Variants in STAB2 observed in about 807,000 individuals in gnomAD.
STAB2 encodes stabilin-2.
Under a neutral mutation model 338.1 loss-of-function variants are expected in STAB2, and 288 were observed. That is an observed-to-expected ratio of 0.85 (90% CI 0.77 to 0.94). The LOEUF (loss-of-function observed/expected upper bound fraction) is 0.94, where lower values mean the gene tolerates loss of function less well. Ranked by LOEUF, STAB2 falls within the 40% of genes least tolerant of loss-of-function variation. STAB2 has a pLI of 0.00. For missense variants in STAB2, 3,141 were observed against 3,210.1 expected (o/e 0.98, Z 0.52); for synonymous variants, 1,202 against 1,193.3 (o/e 1.01, Z -0.15).
chr12:103,710,439 C>A (rs1879748632), intron 39 of STAB2, among the ~76,000 whole-genome samples: 2 of 152,204 alleles, frequency 1.3e-5, no homozygotes, highest in African/African-American at 2.4e-5. Flanking sequence ...TGTGTGCAAA[C>A]TCCTCGCTCC....
chr12:103,742,175 C>A lies in STAB2; in HGVS notation c.5882-230C>A, dbSNP rs1030317513. ...ATATCCTCAAATCCAGTGCACAAAC[C>A]CCCAAATACAGTGCACAGTTCAGTG... is the stretch of plus-strand genomic sequence containing the variant. On this transcript the variant is annotated intron_variant, in intron 55 of 68. Transcript: ENST00000388887. 2.6e-5 allele frequency among the ~76,000 whole-genome samples: 4 copies of A among 152,186 alleles called. No homozygotes were observed. In the East Asian group the frequency reaches 7.7e-4, roughly 29 times the overall value.
intron 18 of STAB2, among the ~76,000 whole-genome samples, chr12:103,665,471 A>G (rs1874997121): frequency 6.6e-6 from 1 of 152,112 alleles, no homozygotes; most frequent in Non-Finnish European, 1.5e-5. Flanking sequence ...TTTGAGGGAG[A>G]AGCAGGAAAC....
In STAB2 at chr12:103,620,535, T is replaced by C; in HGVS notation, c.399T>C (p.Asn133=). Residue 133 remains asparagine, a synonymous_variant, in exon 4 of 69, where the codon AAT becomes AAC. Coordinates refer to ENST00000388887, the MANE Select transcript of STAB2 (RefSeq NM_017564.10). ...RGSCAEGMEG[N]GTCSCQEGFG... ...GTTGTGCTGAAGGCATGGAAGGAAA[T>C]GGAACCTGCTCCTGCCAAGTAAGTT... The C allele has an allele frequency of 6.4e-7, 1 of 1,571,612 alleles. No homozygotes were observed. Among genetic ancestry groups the C allele is most frequent in the Non-Finnish European group, 8.6e-7 (1 of 1,157,030 alleles).
chr12:103,755,170 G>T, intron 61 of STAB2, 132 bp from the exon 62 acceptor site: 1 of 1,252,260 alleles, frequency 8.0e-7, no homozygotes, highest in Non-Finnish European at 1.1e-6. Flanking sequence ...CTGTGTGCCA[G>T]GCACAGAGGT....
At chr12:103,724,381 A>G (rs1881012713) in intron 44 of STAB2, among the ~76,000 whole-genome samples, 1 of 152,162 alleles carries the variant, frequency 6.6e-6, no homozygotes. Context: ...TGACTTTGAG[A>G]AAGCACGGGG....
intron 3 of STAB2, among the ~76,000 whole-genome samples, chr12:103,609,468 T>A (rs1010464949): frequency 4.6e-4 from 70 of 152,348 alleles, no homozygotes; most frequent in African/African-American, 1.7e-3. Context: ...GGGAGTTCAC[T>A]CATGATTTGG....
intron 9 of STAB2, among the ~76,000 whole-genome samples, chr12:103,641,625 T>G (rs1872934299): frequency 6.6e-6 from 1 of 152,202 alleles, no homozygotes; most frequent in African/African-American, 2.4e-5. Context: ...GGTGTATGCA[T>G]GTTTTACCAC....
At chr12:103,645,200 A>G (rs894923669) in intron 9 of STAB2, among the ~76,000 whole-genome samples, 1 of 152,230 alleles carries the variant, frequency 6.6e-6, no homozygotes, top group Non-Finnish European at 1.5e-5. Flanking sequence ...AGCAAGAGAC[A>G]TTTACTCCTA....
intron 53 of STAB2, among the ~76,000 whole-genome samples, chr12:103,738,999 A>G (rs1212949910): frequency 6.6e-6 from 1 of 151,974 alleles, no homozygotes; most frequent in African/African-American, 2.4e-5. Context: ...GTCTTGAGAT[A>G]GGGCCTTGCT....
intron 13 of STAB2, among the ~76,000 whole-genome samples, 181 bp from the exon 14 acceptor site, chr12:103,655,070 A>C (rs1357122726): frequency 2.0e-5 from 3 of 152,250 alleles, no homozygotes; most frequent in African/African-American, 7.2e-5. Flanking sequence ...GAACATGCAG[A>C]TCTGAACTAC....
chr12:103,668,587 G>A (rs888680081), intron 19 of STAB2, 56 bp from the exon 20 acceptor site: 37 of 1,472,426 alleles, frequency 2.5e-5, no homozygotes, highest in Non-Finnish European at 3.4e-5. Flanking sequence ...GGTGTGCAGT[G>A]CCTGGAGGAC....
In STAB2 at chr12:103,591,029, A is replaced by T. The variant is rs777596913; in HGVS notation, c.214A>T (p.Arg72Trp). 29 of 1,613,544 alleles carry T rather than the reference A, an allele frequency of 1.8e-5. No homozygotes were observed. Among genetic ancestry groups the T allele is most frequent in the Non-Finnish European group, 2.5e-5 (29 of 1,179,912 alleles). The change falls in exon 2 of 69, where the codon AGG (arginine) becomes TGG (tryptophan). Residue 72 changes from arginine (R) to tryptophan (W), a missense_variant and splice_region_variant. Coordinates refer to ENST00000388887, the MANE Select transcript of STAB2 (RefSeq NM_017564.10). ...TSGSVGVRDC[R>W]YTFEVRTYSL... ...TGGCTCTGTAGGGGTTCGAGATTGC[A>T]GGTACTCATGAGAAAATAAACGTGA...
Position 103,652,655 on chromosome 12 carries a change from A to G in STAB2, c.1357A>G (p.Met453Val), listed in dbSNP as rs1380449089. The G allele has an allele frequency of 9.3e-6, 15 of 1,607,892 alleles. No homozygotes were observed. Among genetic ancestry groups the G allele is most frequent in the Non-Finnish European group, 1.3e-5 (15 of 1,177,444 alleles). Residue 453 changes from methionine to valine, a missense_variant, in exon 12 of 69, where the codon ATG becomes GTG. Transcript: ENST00000388887. ...MNIEYMNNTD[M>V]FYTLTGKSGE... ...CATCGAATATATGAATAACACAGAC[A>G]TGTTCTACACCTTGACTGGAAAGTC...
At chr12:103,685,441 T>TGTGTGTGTGTGTGTGTGTGTGTGC in intron 27 of STAB2, among the ~76,000 whole-genome samples, 1 of 149,128 alleles carries the variant, frequency 6.7e-6, no homozygotes, top group Non-Finnish European at 1.5e-5. Context: ...TGTGTGTGTG[T>TGTGTGTGTGTGTGTGTGTGTGTGC]GTGTGTGTGT....
At position 103,633,488 on chromosome 12, in the gene STAB2, G is replaced by A. The variant is rs571546337; in HGVS notation, c.583+1795G>A. On this transcript the variant is annotated intron_variant, in intron 6 of 68. Coordinates refer to ENST00000388887, the MANE Select transcript of STAB2 (RefSeq NM_017564.10). ...ACCTGAGGTCAGGAGTTCAAGACCA[G>A]CCTGGCCAACATGGTGAAACCCTGT... Among the ~76,000 whole-genome samples the A allele has an allele frequency of 2.9e-4, 44 of 152,284 alleles. No individual in the cohort carries two copies. In the South Asian group the frequency reaches 9.1e-3, roughly 32 times the overall value.
chr12:103,710,379 G>A (rs988416937), intron 39 of STAB2, among the ~76,000 whole-genome samples: 5 of 152,168 alleles, frequency 3.3e-5, no homozygotes, highest in African/African-American at 7.2e-5. Context: ...ATTGTGGTAT[G>A]GAGTACAAAG....
chr12:103,722,921 G>A (rs1190095559), intron 44 of STAB2, among the ~76,000 whole-genome samples: 1 of 152,162 alleles, frequency 6.6e-6, no homozygotes, highest in African/African-American at 2.4e-5. Context: ...CAGACGTAGT[G>A]TCGGTCAGTA....
intron 34 of STAB2, among the ~76,000 whole-genome samples, chr12:103,702,132 C>T (rs1878933595): frequency 3.1e-5 from 1 of 32,414 alleles, no homozygotes. Context: ...TTAAAGTGTT[C>T]TTCCCTAAAA....
At position 103,725,609 on chromosome 12, in the gene STAB2, T is replaced by TGC. The variant is rs528081361; in HGVS notation, c.4804-506_4804-505insCG. ...GTGTGTGTGCATGTGTGTACGTGTG[T>TGC]GTGCTTGTGTGTGCATGCAGGTGCA... On this transcript the variant is annotated intron_variant, in intron 45 of 68. Transcript: ENST00000388887. Among the ~76,000 whole-genome samples, 12 of 151,714 alleles carry TGC rather than the reference T, an allele frequency of 7.9e-5. No individual in the cohort carries two copies. In the South Asian group the frequency reaches 2.3e-3, roughly 29 times the overall value.
Sources: allele counts gnomAD v4.1 joint callset (sites outside exome capture counted in the v4.1 genomes callset), GRCh38; gene constraint gnomAD v4.1.1; transcripts MANE v1.5; gene names NCBI Gene and HGNC (gene_info 2026-07-23, HGNC 2026-07-21).